The following TMEM147 variants were observed in gnomAD, a reference collection of about 807,000 sequenced individuals.
The protein encoded by TMEM147 is transmembrane protein 147.
A neutral mutation model predicts 29.4 loss-of-function variants in TMEM147; 29 were observed. The ratio of observed to expected loss-of-function variants is 0.99; its 90% CI spans 0.73 to 1.34. The LOEUF is 1.34. TMEM147 is among the 40% of genes most tolerant of loss of function. The pLI is 0.00. For missense variants in TMEM147, 260 were observed against 289.4 expected (o/e 0.90, Z 0.74); for synonymous variants, 121 against 111.8 (o/e 1.08, Z -0.52).
chr19:35,546,158 G>A (rs2071554392), intron 2 of TMEM147: 2 of 649,120 alleles, frequency 3.1e-6, no homozygotes, highest in Non-Finnish European at 5.3e-6. Context: ...CAACTTTTGC[G>A]TAGCACTTAG....
At position 35,546,805 on chromosome 19, in the gene TMEM147, CCCGG is replaced by C; in HGVS notation, c.342_344+1del. ...TGGGCCACTGCTGAGCTTATTATGT[CCCGG>C]TGCGTACAGCAGCCTGGAGCCCAGA... On this transcript the variant is annotated splice_donor_variant and coding_sequence_variant, in exon 4 of 7. Coordinates refer to ENST00000222284, the MANE Select transcript of TMEM147 (RefSeq NM_032635.4). LOFTEE classifies it high-confidence loss of function. 1 of 1,614,140 alleles carries C rather than the reference CCCGG, an allele frequency of 6.2e-7. No individual in the cohort carries two copies.
At position 35,546,766 on chromosome 19, in the gene TMEM147, T is replaced by C; in HGVS notation, c.302T>C (p.Val101Ala). The C allele has an allele frequency of 6.2e-7, 1 of 1,614,188 alleles. No homozygotes were observed. The highest frequency in any genetic ancestry group is 8.5e-7 in the Non-Finnish European group (1 of 1,180,024). The part of the protein sequence containing the change: ...NAGKGEYKIM[V>A]AALGWATAEL... ...GGCAAGGGAGAGTACAAGATCATGG[T>C]TGCTGCCCTGGGCTGGGCCACTGCT... is the stretch of plus-strand genomic sequence containing the variant. The change falls in exon 4 of 7, where the codon GTT becomes GCT. Residue 101 changes from valine to alanine, a missense_variant. Val to Ala is a moderately conservative substitution (Grantham distance 64, BLOSUM62 0). Transcript: ENST00000222284.
chr19:35,546,120 G>C (rs1340723955), intron 2 of TMEM147, 163 bp downstream of exon 2: 33 of 799,166 alleles, frequency 4.1e-5, no homozygotes, highest in Non-Finnish European at 6.0e-5. Flanking sequence ...ACTTTAAAGA[G>C]GGCACGACCT....
chr19:35,547,414 CCTGT>C lies in TMEM147; in HGVS notation c.643_646del (p.Leu215MetfsTer?). On this transcript the variant is annotated frameshift_variant, in exon 7 of 7. Coordinates refer to ENST00000222284, the MANE Select transcript of TMEM147 (RefSeq NM_032635.4). LOFTEE classifies it high-confidence loss of function. ...GGCTGCTGGCCCTCAGCACTTTGGC[CCTGT>C]ATGTCGCCGTTGTCAATGTGCACTC... 6.2e-7 allele frequency: 1 copy of C among 1,613,736 alleles called. No homozygotes were observed. Among genetic ancestry groups the C allele is most frequent in the South Asian group, 1.1e-5 (1 of 91,078 alleles).
Position 35,545,710 on chromosome 19 carries a change from C to T in TMEM147, c.-30C>T. Reference sequence around the variant, plus strand: ...TCCCGGAGACGCCGCCTCGCGATCCCCGCGCGGGCGGGACCGGGCGGCCGG... The same window carrying T: ...TCCCGGAGACGCCGCCTCGCGATCCTCGCGCGGGCGGGACCGGGCGGCCGG... On this transcript the variant is annotated 5_prime_UTR_variant, in exon 1 of 7. Coordinates refer to ENST00000222284, the MANE Select transcript of TMEM147 (RefSeq NM_032635.4). The T allele has an allele frequency of 1.2e-6, 2 of 1,603,820 alleles. No homozygotes were observed. Among genetic ancestry groups the T allele is most frequent in the Non-Finnish European group, 1.7e-6 (2 of 1,178,376 alleles).
intron 2 of TMEM147, 50 bp from the exon 3 acceptor site, chr19:35,546,476 A>G: frequency 1.3e-6 from 2 of 1,579,180 alleles, no homozygotes; most frequent in South Asian, 1.2e-5. Context: ...CACGTGGTTT[A>G]TCTTGATCCC....
chr19:35,546,180 A>T (rs942358505), intron 2 of TMEM147: 39 of 625,686 alleles, frequency 6.2e-5, no homozygotes, highest in Non-Finnish European at 9.4e-5. Flanking sequence ...AAAACTGAGA[A>T]AACCTCAGTA....
chr19:35,546,954 C>T lies in TMEM147; in HGVS notation c.354C>T (p.Pro118=), dbSNP rs753333991. 5 of 1,614,036 alleles carry T rather than the reference C, an allele frequency of 3.1e-6. No homozygotes were observed. The highest frequency in any genetic ancestry group is 3.3e-5 in the Admixed American group (2 of 60,004). The part of the protein sequence containing the change: ...TAELIMSRCI[P]LWVGARGIEF... ...CCTTTGCCTTCCTCAGCTGCATTCC[C>T]CTATGGGTCGGAGCCCGGGGCATTG... The change falls in exon 5 of 7, where the codon CCC becomes CCT. Residue 118 remains proline, a synonymous_variant. Transcript: ENST00000222284.
In TMEM147 at chr19:35,545,674, C is replaced by CG; in HGVS notation, c.-64dup. 6.4e-7 allele frequency: 1 copy of CG among 1,563,380 alleles called. No individual in the cohort carries two copies. Among genetic ancestry groups the CG allele is most frequent in the Non-Finnish European group, 8.7e-7 (1 of 1,153,494 alleles). Reference sequence around the variant, plus strand: ...GCCGTGGCGAAAGAGCCGGCGGAGCCGGAGACCCGCTCCCGGAGACGCCGC... The same window carrying CG: ...GCCGTGGCGAAAGAGCCGGCGGAGCCGGGAGACCCGCTCCCGGAGACGCCGC... On this transcript the variant is annotated 5_prime_UTR_variant, in exon 1 of 7. Transcript: ENST00000222284.
Position 35,546,999 on chromosome 19 carries a change from C to G in TMEM147, c.399C>G (p.Ile133Met). Residue 133 changes from isoleucine (I) to methionine (M), a missense_variant, in exon 5 of 7, where the codon ATC becomes ATG. Transcript: ENST00000222284. ...ARGIEFDWKYIQMSIDSNISL... is the reference protein window; with the variant it reads ...ARGIEFDWKYMQMSIDSNISL... Reference sequence around the variant, plus strand: ...GCATTGAGTTTGACTGGAAGTACATCCAGATGAGCATAGACTCCAACATCA... The same window carrying G: ...GCATTGAGTTTGACTGGAAGTACATGCAGATGAGCATAGACTCCAACATCA... 6.2e-7 allele frequency: 1 copy of G among 1,614,242 alleles called. No homozygotes were observed. The highest frequency in any genetic ancestry group is 8.5e-7 in the Non-Finnish European group (1 of 1,180,046).
chr19:35,545,830 G>C lies in TMEM147; in HGVS notation c.77+14G>C. 1 of 1,613,856 alleles carries C rather than the reference G, an allele frequency of 6.2e-7. No homozygotes were observed. The highest frequency in any genetic ancestry group is 1.1e-5 in the South Asian group (1 of 91,086). On this transcript the variant is annotated intron_variant, in intron 1 of 6. Coordinates refer to ENST00000222284, the MANE Select transcript of TMEM147 (RefSeq NM_032635.4). Reference sequence around the variant, plus strand: ...GTGCAGCGGCCTGTGAGTGCGGGAAGGGCGCGGGGCGGAGAGGGCGCGGGG... The same window carrying C: ...GTGCAGCGGCCTGTGAGTGCGGGAACGGCGCGGGGCGGAGAGGGCGCGGGG...
chr19:35,546,832 A>G (rs1484390314), intron 4 of TMEM147, 24 bp downstream of exon 4: 2 of 1,614,056 alleles, frequency 1.2e-6, no homozygotes, highest in African/African-American at 2.7e-5. Context: ...CCTGGAGCCC[A>G]GACCCCTGAG....
Position 35,545,789 on chromosome 19 carries a change from A to G in TMEM147, c.50A>G (p.Tyr17Cys). The change falls in exon 1 of 7, where the codon TAC becomes TGC. Residue 17 changes from tyrosine (Y) to cysteine (C), a missense_variant. Transcript: ENST00000222284. ...GNCFALAYFP[Y>C]FITYKCSGLS... ...TGCTTCGCTCTTGCCTACTTCCCCT[A>G]CTTCATCACCTACAAGTGCAGCGGC... is the stretch of plus-strand genomic sequence containing the variant. 6.2e-7 allele frequency: 1 copy of G among 1,613,754 alleles called. No homozygotes were observed. The highest frequency in any genetic ancestry group is 8.5e-7 in the Non-Finnish European group (1 of 1,179,882).
Position 35,547,013 on chromosome 19 carries a change from A to G in TMEM147, c.413A>G (p.Asp138Gly). Residue 138 changes from aspartate to glycine, a missense_variant, in exon 5 of 7, where the codon GAC (aspartate) becomes GGC (glycine). Asp to Gly is a moderately conservative substitution (Grantham distance 94). Transcript: ENST00000222284. Reference sequence around the variant, plus strand: ...TGGAAGTACATCCAGATGAGCATAGACTCCAACATCAGTCTGGTAGGCAGT... The same window carrying G: ...TGGAAGTACATCCAGATGAGCATAGGCTCCAACATCAGTCTGGTAGGCAGT... ...FDWKYIQMSIDSNISLVHYIV... is the reference protein window; with the variant it reads ...FDWKYIQMSIGSNISLVHYIV... The G allele has an allele frequency of 6.2e-7, 1 of 1,613,846 alleles. No homozygotes were observed. Among genetic ancestry groups the G allele is most frequent in the Non-Finnish European group, 8.5e-7 (1 of 1,179,946 alleles).
In TMEM147 at chr19:35,546,750, GA is replaced by G; in HGVS notation, c.287del (p.Glu96GlyfsTer40). 6.2e-7 allele frequency: 1 copy of G among 1,614,236 alleles called. No individual in the cohort carries two copies. The highest frequency in any genetic ancestry group is 8.5e-7 in the Non-Finnish European group (1 of 1,180,046). On this transcript the variant is annotated frameshift_variant, in exon 4 of 7. Coordinates refer to ENST00000222284, the MANE Select transcript of TMEM147 (RefSeq NM_032635.4). LOFTEE classifies it high-confidence loss of function. ...CATGTCCCGGAATGCCGGCAAGGGA[GA>G]GTACAAGATCATGGTTGCTGCCCTG... ...LVMSRNAGKGEYKIMVAALGW... is the reference protein window; with the variant it reads ...LVMSRNAGKGXYKIMVAALGW...
At chr19:35,546,141 C>T in intron 2 of TMEM147, 184 bp downstream of exon 2, 1 of 686,920 alleles carries the variant, frequency 1.5e-6, no homozygotes, top group Non-Finnish European at 2.4e-6. Context: ...GAGAAGAGAC[C>T]TAGAAGCAAC....
chr19:35,545,947 A>C lies in TMEM147; in HGVS notation c.137A>C (p.Gln46Pro), dbSNP rs746452158. Residue 46 changes from glutamine (Q) to proline (P), a missense_variant, in exon 2 of 7, where the codon CAA (glutamine) becomes CCA (proline). By Grantham distance (76) the Gln-to-Pro change is moderately conservative (BLOSUM62 -1). Coordinates refer to ENST00000222284, the MANE Select transcript of TMEM147 (RefSeq NM_032635.4). ...GCTGGAGTCACCTACCTCTTTGTCCAACTCTGCAAGGTGAGGGCCACCGGG... is the reference window on the plus strand; with the variant it reads ...GCTGGAGTCACCTACCTCTTTGTCCCACTCTGCAAGGTGAGGGCCACCGGG... The part of the protein sequence containing the change: ...VQAGVTYLFV[Q>P]LCKMLFLATF... 1.9e-6 allele frequency: 3 copies of C among 1,613,562 alleles called. No homozygotes were observed. Among genetic ancestry groups the C allele is most frequent in the Non-Finnish European group, 2.5e-6 (3 of 1,179,838 alleles).
At chr19:35,546,258 A>T (rs1045080248) in intron 2 of TMEM147, 2 of 600,020 alleles carry the variant, frequency 3.3e-6, no homozygotes, top group African/African-American at 3.7e-5. Flanking sequence ...CGTGCTGCTA[A>T]CACTGCCCAA....
In TMEM147 at chr19:35,545,689, G is replaced by A; in HGVS notation, c.-51G>A. On this transcript the variant is annotated 5_prime_UTR_variant, in exon 1 of 7. Transcript: ENST00000222284. ...CCGGCGGAGCCGGAGACCCGCTCCC[G>A]GAGACGCCGCCTCGCGATCCCCGCG... 2 of 1,591,932 alleles carry A rather than the reference G, an allele frequency of 1.3e-6. No homozygotes were observed. The highest frequency in any genetic ancestry group is 2.2e-5 in the East Asian group (1 of 44,690).
Sources: allele counts gnomAD v4.1 joint callset, GRCh38; gene constraint gnomAD v4.1.1; transcripts MANE v1.5; gene names NCBI Gene and HGNC (gene_info 2026-07-23, HGNC 2026-07-21).